The following SLC4A4 variants were observed in gnomAD, a reference collection of about 807,000 sequenced individuals.
The protein encoded by SLC4A4 is solute carrier family 4 member 4.
In SLC4A4, 27 loss-of-function variants were observed where a neutral mutation model predicts 111.5. That is an observed-to-expected ratio of 0.24 (90% CI 0.18 to 0.33). SLC4A4 has a LOEUF of 0.33. SLC4A4 is among the 10% of genes least tolerant of loss of function. The pLI is 1.00. For missense variants in SLC4A4, 909 were observed against 1,315.5 expected, an observed-to-expected ratio of 0.69 and a Z score of 4.78; for synonymous variants, 443 against 463.4, an observed-to-expected ratio of 0.96 and a Z score of 0.57.
chr4:71,564,159 A>G (rs1159452610), intron 24 of SLC4A4, among the ~76,000 whole-genome samples: 1 of 151,684 alleles, frequency 6.6e-6, no homozygotes, highest in East Asian at 2.0e-4. Flanking sequence ...ATTAATAACC[A>G]TGTTTTTAAT....
At chr4:71,187,101 G>C (rs1395192607), upstream of SLC4A4, 1 of 152,054 alleles carries the variant, frequency 6.6e-6, no homozygotes, top group African/African-American at 2.4e-5. Flanking sequence ...TCTCCGGAGC[G>C]CGCACCCACC....
chr4:71,122,489 C>T (rs1743460113), intron 2 of SLC4A4, among the ~76,000 whole-genome samples: 1 of 151,874 alleles, frequency 6.6e-6, no homozygotes, highest in South Asian at 2.1e-4. Context: ...AGAATTCCAC[C>T]ACTGAGCATT....
intron 2 of SLC4A4, among the ~76,000 whole-genome samples, chr4:71,151,710 G>C (rs888988231): frequency 6.6e-6 from 1 of 151,188 alleles, no homozygotes; most frequent in African/African-American, 2.4e-5. Flanking sequence ...CTTGACCCCG[G>C]GAGTTCAAGG....
chr4:71,449,462 T>G (rs565843361), intron 9 of SLC4A4, among the ~76,000 whole-genome samples: 1 of 152,334 alleles, frequency 6.6e-6, no homozygotes, highest in African/African-American at 2.4e-5. Flanking sequence ...AGGATGGCTA[T>G]ATCAGCCACA....
At chr4:71,420,680 T>C (rs1722364921) in intron 7 of SLC4A4, among the ~76,000 whole-genome samples, 1 of 151,750 alleles carries the variant, frequency 6.6e-6, no homozygotes, top group South Asian at 2.1e-4. Flanking sequence ...GGGCCAATAT[T>C]CAACATTCTT....
intron 1 of SLC4A4, among the ~76,000 whole-genome samples, chr4:71,214,314 G>A (rs190450791): frequency 2.0e-5 from 3 of 152,302 alleles, no homozygotes; most frequent in African/African-American, 7.2e-5. Context: ...GAAAGGGAAT[G>A]ATAATTAAAG....
intron 1 of SLC4A4, among the ~76,000 whole-genome samples, chr4:71,217,022 C>T (rs896712): frequency 3.2e-4 from 48 of 152,286 alleles, no homozygotes; most frequent in African/African-American, 1.1e-3. Context: ...GAATTACATT[C>T]ACTTTATAAA....
At chr4:71,524,688 G>A (rs934626211) in intron 16 of SLC4A4, among the ~76,000 whole-genome samples, 1 of 151,906 alleles carries the variant, frequency 6.6e-6, no homozygotes, top group Non-Finnish European at 1.5e-5. Context: ...TTGGCTACTG[G>A]GGGGTCATAT....
intron 2 of SLC4A4, among the ~76,000 whole-genome samples, chr4:71,109,839 G>T (rs141361184): frequency 6.6e-6 from 1 of 151,990 alleles, no homozygotes; most frequent in African/African-American, 2.4e-5. Flanking sequence ...CACCACACCC[G>T]GCAATTTTTC....
intron 7 of SLC4A4, among the ~76,000 whole-genome samples, chr4:71,399,004 C>CT (rs1181186175): frequency 1.3e-5 from 2 of 151,310 alleles, no homozygotes; most frequent in African/African-American, 2.4e-5. Flanking sequence ...CACATACAGA[C>CT]TTTTTTTTTG....
chr4:71,368,005 C>T (rs2148928581), intron 6 of SLC4A4, among the ~76,000 whole-genome samples: 1 of 152,206 alleles, frequency 6.6e-6, no homozygotes, highest in Non-Finnish European at 1.5e-5. Context: ...GTTGGATATG[C>T]CTTGTTTACT....
chr4:71,409,742 G>T (rs1721190863), intron 7 of SLC4A4, among the ~76,000 whole-genome samples: 1 of 152,210 alleles, frequency 6.6e-6, no homozygotes, highest in Non-Finnish European at 1.5e-5. Flanking sequence ...CCAAGACCAT[G>T]GGAAAATGTC....
intron 3 of SLC4A4, among the ~76,000 whole-genome samples, chr4:71,264,916 G>A (rs564686269): frequency 3.3e-5 from 5 of 152,260 alleles, no homozygotes; most frequent in Admixed American, 6.5e-5. Context: ...CATTCCAGTG[G>A]CCATTTCAGT....
At chr4:71,483,123 A>T (rs2149125717) in intron 14 of SLC4A4, among the ~76,000 whole-genome samples, 1 of 151,732 alleles carries the variant, frequency 6.6e-6, no homozygotes, top group South Asian at 2.1e-4. Flanking sequence ...TTGAGAATGG[A>T]TTCATTCGGC....
intron 18 of SLC4A4, among the ~76,000 whole-genome samples, chr4:71,544,418 A>T (rs972938030): frequency 6.6e-6 from 1 of 151,906 alleles, no homozygotes; most frequent in Non-Finnish European, 1.5e-5. Context: ...GTGGCACAGG[A>T]TCCAAGCATG....
At position 71,394,570 on chromosome 4, in the gene SLC4A4, C is replaced by T. The variant is rs80146173; in HGVS notation, c.731-3007C>T. On this transcript the variant is annotated intron_variant, in intron 6 of 25. Coordinates refer to ENST00000264485, the MANE Select transcript of SLC4A4 (RefSeq NM_001098484.3). ...CTGCTGAGGGGAATGTAAACTAGTA[C>T]AGCTGCTATGGAAAACTGGAAAACA... 7.7e-3 allele frequency among the ~76,000 whole-genome samples: 1,166 copies of T among 152,218 alleles called. 16 individuals are homozygous for T. The highest frequency in any genetic ancestry group is 0.025 in the African/African-American group (1,027 of 41,542).
intron 7 of SLC4A4, among the ~76,000 whole-genome samples, chr4:71,434,167 G>A (rs1723897255): frequency 6.6e-6 from 1 of 151,916 alleles, no homozygotes; most frequent in Admixed American, 6.6e-5. Context: ...TGTTGGTGTG[G>A]GATGTTTTTT....
chr4:71,106,810 T>G, intron 2 of SLC4A4, among the ~76,000 whole-genome samples: 1 of 140,710 alleles, frequency 7.1e-6, no homozygotes, highest in African/African-American at 2.6e-5. Flanking sequence ...CATTGGGAGA[T>G]ATACCTAATG....
Position 71,567,772 on chromosome 4 carries a change from T to C in SLC4A4, c.*37-16T>C. On this transcript the variant is annotated splice_polypyrimidine_tract_variant and intron_variant, in intron 25 of 25. Transcript: ENST00000264485. ...ATCTGATTTACTTACTACTTTTTTT[T>C]TTCCTTTTTCTCTAGTCCTCCTAGA... The C allele has an allele frequency of 1.5e-6, 2 of 1,295,746 alleles. No homozygotes were observed. The highest frequency in any genetic ancestry group is 2.8e-5 in the South Asian group (2 of 71,718). The allele number at this position is 1,295,746 out of a possible 1,614,324, so 80.3% of individuals were successfully genotyped here.
Sources: gnomAD v4.1 joint callset for allele counts (sites outside exome capture counted in the v4.1 genomes callset) on GRCh38, gnomAD v4.1.1 for gene constraint, MANE v1.5 for transcripts, NCBI Gene and HGNC (gene_info 2026-07-23, HGNC 2026-07-21) for gene names.